Variants in CFAP47 observed in about 807,000 individuals in gnomAD.
The protein encoded by CFAP47 is cilia- and flagella-associated protein 47.
CFAP47 carries 29 observed loss-of-function variants against 148.1 expected under a neutral mutation model. The ratio of observed to expected loss-of-function variants is 0.20; its 90% CI spans 0.15 to 0.27. The LOEUF is 0.27. Among genes scored for constraint, CFAP47 ranks in the 10% least tolerant of loss-of-function variants. CFAP47 has a pLI of 1.00. For synonymous variants in CFAP47, 664 were observed against 577.3 expected (o/e 1.15, Z -2.15); for missense variants, 1,872 against 1,697.5 (o/e 1.10, Z -1.81).
intron 35 of CFAP47, 143 bp from the exon 36 acceptor site, chrX:36,145,070 TATATGC>T (rs1347231080): frequency 2.8e-6 from 1 of 362,802 alleles, no homozygotes; most frequent in African/African-American, 4.5e-5. Context: ...TTTATATATA[TATATGC>T]GTGTGTGTGT....
chrX:36,235,924 C>A lies in CFAP47; in HGVS notation c.7015-10C>A. On this transcript the variant is annotated splice_polypyrimidine_tract_variant and intron_variant, in intron 46 of 63. Coordinates refer to ENST00000378653, the MANE Select transcript of CFAP47 (RefSeq NM_001304548.2). ...CTCTCTGATATTTCTGTACCTTTTT[C>A]ATGCTTTAGAAAAATCAAACAAACG... 1 of 468,147 alleles carries A rather than the reference C, an allele frequency of 2.1e-6. No individual in the cohort carries two copies. The highest frequency in any genetic ancestry group is 3.8e-6 in the Non-Finnish European group (1 of 262,369). The allele number at this position is 468,147 out of a possible 1,213,427, so 38.6% of individuals were successfully genotyped here.
chrX:36,345,973 A>G (rs1941694120), intron 57 of CFAP47, among the ~76,000 whole-genome samples: 1 of 111,788 alleles, frequency 8.9e-6, no homozygotes, highest in Admixed American at 9.5e-5. Flanking sequence ...AAATAGTTTA[A>G]TAAAATAATT....
At chrX:36,047,710 T>C (rs1235443922) in intron 26 of CFAP47, among the ~76,000 whole-genome samples, 1 of 112,202 alleles carries the variant, frequency 8.9e-6, no homozygotes, top group Non-Finnish European at 1.9e-5. Flanking sequence ...GAGTATGTTC[T>C]CTATGTGCTC....
At chrX:36,116,936 A>T (rs977141266) in intron 33 of CFAP47, among the ~76,000 whole-genome samples, 5 of 111,247 alleles carry the variant, frequency 4.5e-5, no homozygotes, top group African/African-American at 1.6e-4. Context: ...AACTATCCTT[A>T]TACTCTATAG....
At chrX:36,262,332 T>C (rs781784790) in intron 49 of CFAP47, among the ~76,000 whole-genome samples, 48 of 111,630 alleles carry the variant, frequency 4.3e-4, no homozygotes, top group African/African-American at 1.5e-3. Context: ...TTCTATTTTG[T>C]TGTACCAATT....
intron 8 of CFAP47, among the ~76,000 whole-genome samples, chrX:35,958,527 C>T (rs758914892): frequency 1.8e-5 from 2 of 111,875 alleles, no homozygotes; most frequent in South Asian, 7.4e-4. Context: ...TACCCATACC[C>T]TCCACCACAC....
intron 49 of CFAP47, 44 bp downstream of exon 49, chrX:36,251,488 C>G (rs1555998246): frequency 2.3e-6 from 1 of 443,580 alleles, no homozygotes; most frequent in East Asian, 4.0e-5. Flanking sequence ...TCCTACTACG[C>G]TAAGATGGAA....
intron 48 of CFAP47, among the ~76,000 whole-genome samples, chrX:36,247,529 G>A (rs2044298288): frequency 9.0e-6 from 1 of 111,365 alleles, no homozygotes; most frequent in African/African-American, 3.3e-5. Flanking sequence ...TAACATACAG[G>A]AAGACTAGAA....
intron 32 of CFAP47, among the ~76,000 whole-genome samples, chrX:36,103,308 G>A (rs1448423168): frequency 9.3e-6 from 1 of 107,651 alleles, no homozygotes; most frequent in Non-Finnish European, 1.9e-5. Flanking sequence ...GGCAACTGAA[G>A]CTCAATGCCA....
intron 3 of CFAP47, among the ~76,000 whole-genome samples, chrX:35,944,741 C>T (rs997140323): frequency 8.9e-6 from 1 of 111,761 alleles, no homozygotes; most frequent in African/African-American, 3.2e-5. Flanking sequence ...ACCATGTATA[C>T]TGCACCACTT....
At position 36,047,825 on chromosome X, in the gene CFAP47, ATCT is replaced by A. The variant is rs1361667610; in HGVS notation, c.4217+770_4217+772del. Among the ~76,000 whole-genome samples, 6 of 112,173 alleles carry A rather than the reference ATCT, an allele frequency of 5.3e-5. No individual in the cohort carries two copies. In the South Asian group the frequency reaches 1.1e-3, roughly 21 times the overall value. ...ATCTCTCTTCTTAATACATAGAAAT[ATCT>A]TCTTCTTAATACATCATATTTCACA... is the stretch of plus-strand genomic sequence containing the variant. On this transcript the variant is annotated intron_variant, in intron 26 of 63. Transcript: ENST00000378653.
At chrX:36,339,187 A>C (rs1556015355) in intron 57 of CFAP47, among the ~76,000 whole-genome samples, 1 of 112,098 alleles carries the variant, frequency 8.9e-6, no homozygotes, top group Non-Finnish European at 1.9e-5. Flanking sequence ...TACCTTTTCC[A>C]TAACAAAACC....
At chrX:36,075,765 A>G (rs1407906631) in intron 29 of CFAP47, among the ~76,000 whole-genome samples, 1 of 111,403 alleles carries the variant, frequency 9.0e-6, no homozygotes, top group Non-Finnish European at 1.9e-5. Context: ...TTTAGGTCCC[A>G]CAAGAGAGAG....
intron 45 of CFAP47, among the ~76,000 whole-genome samples, chrX:36,227,021 A>T (rs781955477): frequency 8.9e-6 from 1 of 111,733 alleles, no homozygotes; most frequent in African/African-American, 3.2e-5. Context: ...CCAAGAAAAA[A>T]AAATGAGTTC....
At chrX:36,142,513 T>G (rs919446386) in intron 35 of CFAP47, among the ~76,000 whole-genome samples, 1 of 111,594 alleles carries the variant, frequency 9.0e-6, no homozygotes, top group African/African-American at 3.3e-5. Flanking sequence ...TACTTTCATA[T>G]GAAATTTTAG....
chrX:36,173,387 A>G (rs768649900), intron 39 of CFAP47, among the ~76,000 whole-genome samples: 98 of 110,836 alleles, frequency 8.8e-4, no homozygotes, highest in African/African-American at 3.1e-3. Context: ...TTTAATTGTG[A>G]TGTTAGGGTA....
intron 8 of CFAP47, among the ~76,000 whole-genome samples, chrX:35,959,538 G>A (rs1368018131): frequency 6.3e-5 from 7 of 111,812 alleles, no homozygotes; most frequent in Non-Finnish European, 1.9e-5. Context: ...GTCGGGCGCG[G>A]TGGCTCACGC....
At chrX:36,363,045 A>C (rs1316899878) in intron 61 of CFAP47, among the ~76,000 whole-genome samples, 5 of 111,639 alleles carry the variant, frequency 4.5e-5, no homozygotes, top group African/African-American at 1.6e-4. Flanking sequence ...TACTCATGAA[A>C]ATTTTTTGGA....
chrX:36,034,575 T>A (rs2146721825), intron 23 of CFAP47, among the ~76,000 whole-genome samples: 1 of 111,774 alleles, frequency 8.9e-6, no homozygotes, highest in East Asian at 2.8e-4. Flanking sequence ...AACACACATA[T>A]ATTTATTTTT....
Sources: gnomAD v4.1 joint callset for allele counts (sites outside exome capture counted in the v4.1 genomes callset) on GRCh38, gnomAD v4.1.1 for gene constraint, MANE v1.5 for transcripts, NCBI Gene and HGNC (gene_info 2026-07-23, HGNC 2026-07-21) for gene names.